Variants in SP3 observed in about 807,000 individuals in gnomAD.
SP3 encodes Sp3 transcription factor, also known as transcription factor Sp3.
In SP3, 10 loss-of-function variants were observed where a neutral mutation model predicts 70.3. The ratio of observed to expected loss-of-function variants is 0.14; its 90% CI spans 0.09 to 0.24. The LOEUF (loss-of-function observed/expected upper bound fraction) is 0.24, where lower values mean the gene tolerates loss of function less well. Ranked by LOEUF, SP3 falls within the 10% of genes least tolerant of loss-of-function variation. The pLI is 1.00. For missense variants in SP3, 825 were observed against 914.6 expected, an observed-to-expected ratio of 0.90 and a Z score of 1.26; for synonymous variants, 402 against 333.5, an observed-to-expected ratio of 1.21 and a Z score of -2.24.
intron 4 of SP3, among the ~76,000 whole-genome samples, chr2:173,935,077 T>C (rs1297339833): frequency 6.6e-6 from 1 of 152,148 alleles, no homozygotes; most frequent in Non-Finnish European, 1.5e-5. Context: ...TTCCAAAACC[T>C]GTTTTAAAGT....
At chr2:173,963,187 CT>C (rs1320180444) in intron 3 of SP3, 1 of 152,120 alleles carries the variant, frequency 6.6e-6, no homozygotes, top group Non-Finnish European at 1.5e-5. Context: ...AAAAAAGTCA[CT>C]GCAAATTTTA....
chr2:173,958,290 AAATAGTAAT>A (rs1690957971), intron 3 of SP3, among the ~76,000 whole-genome samples: 1 of 151,252 alleles, frequency 6.6e-6, no homozygotes, highest in Non-Finnish European at 1.5e-5. Context: ...TTTTTTTACA[AAATAGTAAT>A]AAAGGCAGAT....
chr2:173,962,062 A>G (rs988759287), intron 3 of SP3, among the ~76,000 whole-genome samples: 1 of 151,242 alleles, frequency 6.6e-6, no homozygotes, highest in Non-Finnish European at 1.5e-5. Flanking sequence ...TTCATGTGGC[A>G]GAATATGTGT....
intron 4 of SP3, among the ~76,000 whole-genome samples, chr2:173,952,629 A>G (rs1006669467): frequency 2.0e-5 from 3 of 152,242 alleles, no homozygotes; most frequent in African/African-American, 2.4e-5. Flanking sequence ...AGCAATATTC[A>G]TAATAGCCAA....
At chr2:173,911,902 G>A (rs1245138229) in intron 6 of SP3, among the ~76,000 whole-genome samples, 2 of 124,716 alleles carry the variant, frequency 1.6e-5, no homozygotes, top group Non-Finnish European at 3.2e-5. Flanking sequence ...CACTGCAACC[G>A]CCGCCCCATG....
chr2:173,913,839 A>C (rs1390345993), intron 5 of SP3: 8 of 152,188 alleles, frequency 5.3e-5, no homozygotes, highest in Non-Finnish European at 1.5e-5. Flanking sequence ...AATCTAGTTA[A>C]AGCAATGGTC....
At chr2:173,946,561 T>A (rs1328493997) in intron 4 of SP3, among the ~76,000 whole-genome samples, 1 of 152,098 alleles carries the variant, frequency 6.6e-6, no homozygotes, top group Non-Finnish European at 1.5e-5. Context: ...TCAATAAAGG[T>A]CTTTGAATAA....
intron 4 of SP3, among the ~76,000 whole-genome samples, chr2:173,922,626 T>C (rs922090350): frequency 1.3e-5 from 2 of 151,534 alleles, no homozygotes; most frequent in Non-Finnish European, 2.9e-5. Context: ...GGACTGAGAG[T>C]GCCAGTGAGA....
At position 173,965,145 on chromosome 2, in the gene SP3, G is replaced by A. The variant is rs73030162; in HGVS notation, c.7+20C>T. The A allele has an allele frequency of 4.4e-4, 676 of 1,548,008 alleles. 2 individuals carry two copies. In the African/African-American group the frequency reaches 7.7e-3, roughly 18 times the overall value. ...GGCGGCGGCGGCAGCAGCAAGGGTT[G>A]CTCTCTCGGCTTTACGTACCGGTCA... On this transcript the variant is annotated intron_variant, in intron 1 of 6. Transcript: ENST00000310015.
intron 4 of SP3, among the ~76,000 whole-genome samples, chr2:173,926,622 G>C (rs1039987071): frequency 3.3e-5 from 5 of 152,040 alleles, no homozygotes; most frequent in Non-Finnish European, 5.9e-5. Context: ...AACACAGCAA[G>C]ACCAGTCTCT....
At chr2:173,960,280 AAG>A (rs1157307389) in intron 3 of SP3, among the ~76,000 whole-genome samples, 2 of 152,246 alleles carry the variant, frequency 1.3e-5, no homozygotes, top group Non-Finnish European at 2.9e-5. Flanking sequence ...GAAACGGAAA[AAG>A]AAAAAATTCA....
rs114407952 is a variant in SP3 at position 173,941,699 on chromosome 2, T to A, written c.1639+13174A>T. On this transcript the variant is annotated intron_variant, in intron 4 of 6. Coordinates refer to ENST00000310015, the MANE Select transcript of SP3 (RefSeq NM_003111.5). ...ACTTGGCTTTCATGGAAGCTCCTTC[T>A]GTTTCCTTTGCTAGCTCTTCCTCTA... 2.6e-3 allele frequency among the ~76,000 whole-genome samples: 392 copies of A among 152,352 alleles called. 1 individual carries two copies. Among genetic ancestry groups the A allele is most frequent in the Non-Finnish European group, 4.1e-3 (279 of 68,032 alleles).
chr2:173,916,768 G>C (rs1249870927), intron 5 of SP3: 4 of 151,930 alleles, frequency 2.6e-5, no homozygotes, highest in Non-Finnish European at 5.9e-5. Flanking sequence ...TTTCACTTCT[G>C]CCAACTTATA....
chr2:173,921,973 C>T (rs1329009298), intron 4 of SP3, among the ~76,000 whole-genome samples: 1 of 152,156 alleles, frequency 6.6e-6, no homozygotes, highest in Non-Finnish European at 1.5e-5. Flanking sequence ...TGCCTTCTGC[C>T]ATGAGTAAAA....
intron 4 of SP3, among the ~76,000 whole-genome samples, chr2:173,929,763 A>C (rs576741269): frequency 6.6e-6 from 1 of 152,276 alleles, no homozygotes; most frequent in South Asian, 2.1e-4. Context: ...AGCATCAGAG[A>C]GTGTGACTCC....
chr2:173,925,588 A>T (rs1208488724), intron 4 of SP3, among the ~76,000 whole-genome samples: 2 of 152,290 alleles, frequency 1.3e-5, no homozygotes, highest in African/African-American at 2.4e-5. Context: ...CAATTTTTTT[A>T]AAAATCTGGC....
chr2:173,963,924 G>T, intron 2 of SP3, 41 bp from the exon 3 acceptor site: 3 of 1,376,722 alleles, frequency 2.2e-6, no homozygotes, highest in South Asian at 1.5e-5. Flanking sequence ...GACAGGGGGA[G>T]GGGGTGGCGG....
chr2:173,928,241 C>T (rs1689973722), intron 4 of SP3, among the ~76,000 whole-genome samples: 1 of 152,182 alleles, frequency 6.6e-6, no homozygotes, highest in African/African-American at 2.4e-5. Flanking sequence ...ATGGCCACGG[C>T]AGGTATATCT....
At position 173,919,023 on chromosome 2, in the gene SP3, T is replaced by C. The variant is rs73972409; in HGVS notation, c.1640-238A>G. 6.5e-3 allele frequency among the ~76,000 whole-genome samples: 995 copies of C among 152,320 alleles called. 9 individuals carry two copies. The highest frequency in any genetic ancestry group is 0.023 in the African/African-American group (944 of 41,580). On this transcript the variant is annotated intron_variant, in intron 4 of 6. Coordinates refer to ENST00000310015, the MANE Select transcript of SP3 (RefSeq NM_003111.5). ...AATTAATAACATTAATTAGTTCATA[T>C]GTCCCTTTAGATAATAAATGCTTCA...
Sources: gnomAD v4.1 joint callset for allele counts (sites outside exome capture counted in the v4.1 genomes callset) on GRCh38, gnomAD v4.1.1 for gene constraint, MANE v1.5 for transcripts, NCBI Gene and HGNC (gene_info 2026-07-23, HGNC 2026-07-21) for gene names.